The following RSRC1 variants were observed in gnomAD, a reference collection of about 807,000 sequenced individuals.
RSRC1 encodes serine/Arginine-related protein 53.
A neutral mutation model predicts 49.1 loss-of-function variants in RSRC1; 39 were observed. The observed-to-expected ratio is 0.79, with a 90% CI of 0.61 to 1.04. RSRC1 has a LOEUF of 1.04. Ranked by LOEUF, RSRC1 falls within the 50% of genes least tolerant of loss-of-function variation. The probability of loss-of-function intolerance (pLI) is 0.00; values close to 1 mark genes in which losing one functional copy is unlikely to be tolerated. For missense variants in RSRC1, 388 were observed against 402.4 expected (o/e 0.96, Z 0.31); for synonymous variants, 143 against 130.8 (o/e 1.09, Z -0.63).
intron 7 of RSRC1, among the ~76,000 whole-genome samples, chr3:158,468,096 G>A (rs1045639349): frequency 1.3e-5 from 2 of 152,074 alleles, no homozygotes; most frequent in African/African-American, 4.8e-5. Flanking sequence ...ACCATGCCCG[G>A]CTAATTTTTT....
intron 7 of RSRC1, among the ~76,000 whole-genome samples, chr3:158,513,245 T>C (rs1470914848): frequency 6.7e-6 from 1 of 150,226 alleles, no homozygotes; most frequent in Non-Finnish European, 1.5e-5. Context: ...TGATATTGGC[T>C]GTGGGTTTGT....
chr3:158,224,208 C>G (rs1238962020), intron 4 of RSRC1, among the ~76,000 whole-genome samples: 1 of 151,746 alleles, frequency 6.6e-6, no homozygotes, highest in Non-Finnish European at 1.5e-5. Flanking sequence ...TCTTCATCAC[C>G]TTTATCTGTA....
intron 6 of RSRC1, among the ~76,000 whole-genome samples, chr3:158,408,220 C>T (rs751441714): frequency 5.3e-5 from 8 of 152,174 alleles, no homozygotes; most frequent in Non-Finnish European, 1.2e-4. Context: ...CTTATTTTCT[C>T]AACCTTCTAA....
chr3:158,537,315 G>A, intron 8 of RSRC1, 117 bp downstream of exon 8: 1 of 563,108 alleles, frequency 1.8e-6, no homozygotes, highest in East Asian at 3.4e-5. Flanking sequence ...GCAAGAGAGT[G>A]TCAGCCATGT....
At chr3:158,525,009 A>G (rs1052248857) in intron 7 of RSRC1, among the ~76,000 whole-genome samples, 3 of 152,062 alleles carry the variant, frequency 2.0e-5, no homozygotes, top group Admixed American at 6.6e-5. Context: ...TGCAGCCTTG[A>G]GTATGCAAAG....
At chr3:158,499,126 C>T (rs1227969552) in intron 7 of RSRC1, among the ~76,000 whole-genome samples, 1 of 151,972 alleles carries the variant, frequency 6.6e-6, no homozygotes, top group Non-Finnish European at 1.5e-5. Context: ...ACCTGTAATC[C>T]CAGCACTTTG....
chr3:158,438,248 G>A (rs1736159452), intron 6 of RSRC1, among the ~76,000 whole-genome samples: 1 of 152,066 alleles, frequency 6.6e-6, no homozygotes, highest in South Asian at 2.1e-4. Context: ...ACTGTCCAAG[G>A]TAATTTATAG....
chr3:158,168,610 T>C (rs1718675908), intron 3 of RSRC1, among the ~76,000 whole-genome samples: 1 of 152,192 alleles, frequency 6.6e-6, no homozygotes, highest in Non-Finnish European at 1.5e-5. Flanking sequence ...TTTATTAAGA[T>C]GGTGGACATA....
intron 4 of RSRC1, among the ~76,000 whole-genome samples, chr3:158,248,430 C>T (rs1276328905): frequency 1.3e-5 from 2 of 152,020 alleles, no homozygotes; most frequent in Admixed American, 1.3e-4. Flanking sequence ...TGTTTTTTCA[C>T]TCACCTGTTA....
intron 5 of RSRC1, among the ~76,000 whole-genome samples, chr3:158,328,212 G>A (rs1246631555): frequency 6.6e-6 from 1 of 152,060 alleles, no homozygotes; most frequent in Non-Finnish European, 1.5e-5. Flanking sequence ...TCTTTTAATT[G>A]GAGCATTTAG....
intron 6 of RSRC1, among the ~76,000 whole-genome samples, chr3:158,405,312 T>G (rs192934331): frequency 6.6e-6 from 1 of 152,196 alleles, no homozygotes; most frequent in Admixed American, 6.6e-5. Flanking sequence ...ATAAACTATA[T>G]CTACATACAG....
At chr3:158,465,648 A>G (rs771191608) in intron 7 of RSRC1, among the ~76,000 whole-genome samples, 1 of 152,142 alleles carries the variant, frequency 6.6e-6, no homozygotes, top group Non-Finnish European at 1.5e-5. Flanking sequence ...AATATGCAAT[A>G]TTATTTCTTT....
chr3:158,231,398 A>G (rs1033378834), intron 4 of RSRC1, among the ~76,000 whole-genome samples: 4 of 151,880 alleles, frequency 2.6e-5, no homozygotes, highest in South Asian at 2.1e-4. Flanking sequence ...TGCCTCCCAT[A>G]TCGCTGGGAC....
intron 6 of RSRC1, among the ~76,000 whole-genome samples, chr3:158,388,209 T>G (rs1020050743): frequency 2.6e-5 from 4 of 151,770 alleles, no homozygotes; most frequent in Non-Finnish European, 5.9e-5. Context: ...ATAAATGGAT[T>G]TATTTTCTTG....
In RSRC1 at chr3:158,534,177, A is replaced by C. The variant is rs16829084; in HGVS notation, c.653-2915A>C. ...GCTGTCAGGGACACATCTTCATAAG[A>C]GCCATCTTTCCCACAAATAGACTAG... On this transcript the variant is annotated intron_variant, in intron 7 of 9. Coordinates refer to ENST00000611884, the MANE Select transcript of RSRC1 (RefSeq NM_001271838.2). Among the ~76,000 whole-genome samples the C allele has an allele frequency of 7.9e-3, 1,198 of 151,796 alleles. 22 individuals carry two copies. Among genetic ancestry groups the C allele is most frequent in the African/African-American group, 0.027 (1,123 of 41,496 alleles).
intron 7 of RSRC1, among the ~76,000 whole-genome samples, chr3:158,511,819 G>T (rs62287886): frequency 1.3e-5 from 2 of 150,946 alleles, no homozygotes; most frequent in Non-Finnish European, 3.0e-5. Context: ...GCCATTCTAA[G>T]TGGTGTGAGA....
chr3:158,473,266 A>G (rs1393618305), intron 7 of RSRC1, among the ~76,000 whole-genome samples: 1 of 152,194 alleles, frequency 6.6e-6, no homozygotes, highest in African/African-American at 2.4e-5. Flanking sequence ...ACCAACCCAA[A>G]TGTCCAACAA....
intron 3 of RSRC1, among the ~76,000 whole-genome samples, chr3:158,187,605 G>A (rs1189227921): frequency 6.6e-6 from 1 of 151,978 alleles, no homozygotes; most frequent in Non-Finnish European, 1.5e-5. Context: ...AGCAAGTAGA[G>A]GCTTGAGCCT....
chr3:158,271,896 AAGG>A (rs1309502409), intron 4 of RSRC1, among the ~76,000 whole-genome samples: 2 of 152,176 alleles, frequency 1.3e-5, no homozygotes, highest in African/African-American at 2.4e-5. Context: ...ACCATGAGAT[AAGG>A]AGGAGATTGG....
Sources: allele counts gnomAD v4.1 joint callset (sites outside exome capture counted in the v4.1 genomes callset), GRCh38; gene constraint gnomAD v4.1.1; transcripts MANE v1.5; gene names NCBI Gene and HGNC (gene_info 2026-07-23, HGNC 2026-07-21).